PPP2R2B: variants seen among roughly 807,000 people sequenced by gnomAD.
PPP2R2B encodes the protein protein phosphatase 2 regulatory subunit Bbeta, also known as serine/threonine-protein phosphatase 2A 55 kDa regulatory subunit B beta isoform.
A neutral mutation model predicts 46.0 loss-of-function variants in PPP2R2B; 5 were observed. The observed-to-expected ratio is 0.11, with a 90% CI of 0.06 to 0.23. PPP2R2B has a LOEUF of 0.23. Among genes scored for constraint, PPP2R2B ranks in the 10% least tolerant of loss-of-function variants. PPP2R2B has a pLI of 1.00. For synonymous variants in PPP2R2B, 215 were observed against 206.7 expected, an observed-to-expected ratio of 1.04 and a Z score of -0.34; for missense variants, 367 against 575.0, an observed-to-expected ratio of 0.64 and a Z score of 3.70.
chr5:146,735,916 A>G (rs1378562933), intron 2 of PPP2R2B, among the ~76,000 whole-genome samples: 4 of 152,200 alleles, frequency 2.6e-5, no homozygotes, highest in Non-Finnish European at 5.9e-5. Context: ...GGTGGGCATT[A>G]TTATTTATGA....
At chr5:146,983,118 G>C (rs902820099) in intron 1 of PPP2R2B, among the ~76,000 whole-genome samples, 8 of 149,504 alleles carry the variant, frequency 5.4e-5, no homozygotes, top group African/African-American at 2.0e-4. Flanking sequence ...ATTTCTAATG[G>C]GTTACTTGAA....
intron 2 of PPP2R2B, among the ~76,000 whole-genome samples, chr5:146,845,913 G>A (rs545049015): frequency 6.6e-5 from 10 of 152,142 alleles, no homozygotes; most frequent in African/African-American, 2.2e-4. Context: ...CACTAACCAC[G>A]GGCCACTATT....
At chr5:146,664,070 G>A (rs778225733) in intron 5 of PPP2R2B, among the ~76,000 whole-genome samples, 1 of 152,092 alleles carries the variant, frequency 6.6e-6, no homozygotes, top group Non-Finnish European at 1.5e-5. Context: ...TTGAACTCCT[G>A]AACTTGTGAT....
chr5:147,051,732 C>A (rs1352575605), intron 1 of PPP2R2B, among the ~76,000 whole-genome samples: 1 of 146,176 alleles, frequency 6.8e-6, no homozygotes, highest in African/African-American at 2.5e-5. Flanking sequence ...TTCACTGACT[C>A]TCTCATTTCT....
chr5:146,770,139 G>C (rs1455651723), intron 2 of PPP2R2B, among the ~76,000 whole-genome samples: 1 of 151,792 alleles, frequency 6.6e-6, no homozygotes, highest in East Asian at 1.9e-4. Flanking sequence ...GACCAGCCTG[G>C]CCAACACTGT....
chr5:146,698,061 C>T lies in PPP2R2B; in HGVS notation c.252G>A (p.Lys84=), dbSNP rs200884068. The T allele has an allele frequency of 5.1e-5, 83 of 1,613,184 alleles. No homozygotes were observed. Among genetic ancestry groups the T allele is most frequent in the Admixed American group, 2.2e-4 (13 of 59,938 alleles). ...TGATTTTTTCTTCTATTTCTAAACTCTTCAGGTAATCGAACTCGGGTTCAT... is the reference window on the plus strand; with the variant it reads ...TGATTTTTTCTTCTATTTCTAAACTTTTCAGGTAATCGAACTCGGGTTCAT... ...QSHEPEFDYL[K]SLEIEEKINK... The change falls in exon 4 of 10, where the codon AAG becomes AAA. Residue 84 remains lysine, a synonymous_variant. Transcript: ENST00000394411.
chr5:146,608,489 T>G (rs894670339), intron 7 of PPP2R2B, among the ~76,000 whole-genome samples: 3 of 152,088 alleles, frequency 2.0e-5, no homozygotes, highest in African/African-American at 7.2e-5. Context: ...TGAAAAGAGA[T>G]AAAAGCAAAT....
At chr5:147,035,921 C>T (rs946350094) in intron 1 of PPP2R2B, among the ~76,000 whole-genome samples, 1 of 152,060 alleles carries the variant, frequency 6.6e-6, no homozygotes, top group Non-Finnish European at 1.5e-5. Context: ...ATAAATGTTG[C>T]TTTTTCTCAA....
chr5:146,772,622 T>C (rs1754941210), intron 2 of PPP2R2B, among the ~76,000 whole-genome samples: 1 of 151,972 alleles, frequency 6.6e-6, no homozygotes, highest in Non-Finnish European at 1.5e-5. Flanking sequence ...ATTCCACTAA[T>C]GCAACCAAAA....
intron 1 of PPP2R2B, among the ~76,000 whole-genome samples, chr5:146,949,349 A>G (rs1263605167): frequency 6.6e-6 from 1 of 152,160 alleles, no homozygotes; most frequent in African/African-American, 2.4e-5. Context: ...AGAGTTCTGA[A>G]TAGACATTTC....
At chr5:146,976,260 C>T (rs188162169) in intron 1 of PPP2R2B, among the ~76,000 whole-genome samples, 2 of 151,982 alleles carry the variant, frequency 1.3e-5, no homozygotes, top group Admixed American at 6.6e-5. Flanking sequence ...GCGTCAGCCT[C>T]CCGGGTAGCT....
At chr5:146,592,710 G>A (rs1358764542) in intron 9 of PPP2R2B, among the ~76,000 whole-genome samples, 1 of 152,190 alleles carries the variant, frequency 6.6e-6, no homozygotes, top group African/African-American at 2.4e-5. Flanking sequence ...GAGGTGTCTT[G>A]TGTGAAAAAG....
chr5:146,868,716 C>T (rs939987402), intron 2 of PPP2R2B, among the ~76,000 whole-genome samples: 2 of 152,234 alleles, frequency 1.3e-5, no homozygotes, highest in East Asian at 3.9e-4. Flanking sequence ...GAAATTGGAC[C>T]CTTGTATTGA....
upstream of PPP2R2B, chr5:146,878,984 G>C (rs1762071887): frequency 9.5e-7 from 1 of 1,054,692 alleles, no homozygotes; most frequent in South Asian, 2.1e-5. This position sits in a 1 kb window ranked among gnomAD's most constrained non-coding sequence, Gnocchi z 4.5. Flanking sequence ...CTCCCCTCTC[G>C]CGCCACTCAG....
intron 2 of PPP2R2B, among the ~76,000 whole-genome samples, chr5:146,812,923 A>G (rs527365973): frequency 6.9e-6 from 1 of 145,624 alleles, no homozygotes; most frequent in East Asian, 2.1e-4. Context: ...TGATTCAGTT[A>G]TATCCCGCTG....
chr5:146,640,817 C>T (rs936185373), intron 6 of PPP2R2B, among the ~76,000 whole-genome samples: 2 of 152,176 alleles, frequency 1.3e-5, no homozygotes, highest in Admixed American at 6.5e-5. Context: ...GCACATCCTC[C>T]ACCATCAAGG....
intron 1 of PPP2R2B, among the ~76,000 whole-genome samples, chr5:146,944,371 A>G (rs1297154106): frequency 6.6e-6 from 1 of 152,202 alleles, no homozygotes; most frequent in Non-Finnish European, 1.5e-5. Context: ...AAGAAAAGGT[A>G]GATCCCACAA....
intron 2 of PPP2R2B, among the ~76,000 whole-genome samples, chr5:147,073,411 C>T (rs1757663084): frequency 6.6e-6 from 1 of 152,130 alleles, no homozygotes; most frequent in African/African-American, 2.4e-5. Context: ...TTTCATCTTG[C>T]ACAACTTGTT....
chr5:146,964,021 C>T (rs140328132), intron 1 of PPP2R2B, among the ~76,000 whole-genome samples: 8 of 152,316 alleles, frequency 5.3e-5, no homozygotes, highest in African/African-American at 1.9e-4. Flanking sequence ...TGACCTTCTC[C>T]AGGCATGTAG....
Sources: gnomAD v4.1 joint callset for allele counts (sites outside exome capture counted in the v4.1 genomes callset) on GRCh38, gnomAD v4.1.1 for gene constraint, Gnocchi (gnomAD v3.1) non-coding constraint, MANE v1.5 for transcripts, NCBI Gene and HGNC (gene_info 2026-07-23, HGNC 2026-07-21) for gene names.